LIMS1: variants seen among roughly 807,000 people sequenced by gnomAD.
LIMS1 encodes LIM zinc finger domain containing 1.
Under a neutral mutation model 44.1 loss-of-function variants are expected in LIMS1, and 18 were observed. The observed-to-expected ratio is 0.41, with a 90% confidence interval of 0.28 to 0.61. The LOEUF (loss-of-function observed/expected upper bound fraction) is 0.61. Among genes scored for constraint, LIMS1 ranks in the 20% least tolerant of loss-of-function variants. The pLI is 0.32. For synonymous variants in LIMS1, 93 were observed against 149.1 expected (o/e 0.62, Z 2.74); for missense variants, 201 against 422.0 (o/e 0.48, Z 4.59).
chr2:108,610,902 C>T (rs1336435978), intron 1 of LIMS1, among the ~76,000 whole-genome samples: 1 of 152,082 alleles, frequency 6.6e-6, no homozygotes, highest in Non-Finnish European at 1.5e-5. Flanking sequence ...TTGCAGAGGT[C>T]AGGAGCTCAG....
At chr2:108,575,232 G>A (rs939929061) in intron 1 of LIMS1, among the ~76,000 whole-genome samples, 4 of 152,032 alleles carry the variant, frequency 2.6e-5, no homozygotes, top group African/African-American at 4.8e-5. Flanking sequence ...GAGGATGGAG[G>A]TGGGGTTTTT....
intron 1 of LIMS1, 21 bp downstream of exon 1, chr2:108,534,615 C>A (rs953777032): frequency 1.1e-5 from 12 of 1,120,344 alleles, no homozygotes; most frequent in African/African-American, 8.3e-5. Context: ...CACCGCGCGG[C>A]CCCCGCCACG....
At chr2:108,671,916 A>G (rs1234851664) in intron 3 of LIMS1, among the ~76,000 whole-genome samples, 2 of 152,214 alleles carry the variant, frequency 1.3e-5, no homozygotes, top group Non-Finnish European at 2.9e-5. Context: ...GTGGTGGCTC[A>G]CGCCTATAAT....
intron 9 of LIMS1, among the ~76,000 whole-genome samples, chr2:108,683,257 TC>T (rs1406689152): frequency 6.6e-6 from 1 of 152,164 alleles, no homozygotes; most frequent in East Asian, 1.9e-4. Context: ...TCATGTTGCC[TC>T]CAATAAAGAA....
chr2:108,542,919 A>G (rs768133784), intron 1 of LIMS1, among the ~76,000 whole-genome samples: 3 of 152,136 alleles, frequency 2.0e-5, no homozygotes, highest in Non-Finnish European at 4.4e-5. Flanking sequence ...CAACACACAA[A>G]CTTCATTATT....
intron 2 of LIMS1, among the ~76,000 whole-genome samples, chr2:108,667,552 ATAT>A (rs1386172923): frequency 1.5e-4 from 10 of 64,740 alleles, no homozygotes; most frequent in South Asian, 4.2e-4. Context: ...AAAAAAAAAA[ATAT>A]ATATATATAT....
intron 2 of LIMS1, chr2:108,662,266 C>T (rs1424084711): frequency 6.2e-7 from 1 of 1,612,078 alleles, no homozygotes; most frequent in Non-Finnish European, 8.5e-7. Flanking sequence ...CATTAAGCAG[C>T]ATGACCGCTT....
intron 2 of LIMS1, among the ~76,000 whole-genome samples, chr2:108,662,967 T>C (rs893319332): frequency 6.6e-6 from 1 of 152,248 alleles, no homozygotes; most frequent in Non-Finnish European, 1.5e-5. Context: ...GGTAGAACTT[T>C]CTGGTACTTT....
intron 2 of LIMS1, among the ~76,000 whole-genome samples, chr2:108,664,544 C>A (rs1237841259): frequency 6.6e-6 from 1 of 152,188 alleles, no homozygotes. Context: ...TTGTTTAAAT[C>A]AGTTTGGGGA....
chr2:108,610,644 G>A (rs974687086), intron 1 of LIMS1, among the ~76,000 whole-genome samples: 3 of 151,968 alleles, frequency 2.0e-5, no homozygotes, highest in Non-Finnish European at 4.4e-5. Flanking sequence ...ATAATCAAAT[G>A]TCCTCACTTG....
At chr2:108,648,801 T>C (rs2148938950) in intron 1 of LIMS1, among the ~76,000 whole-genome samples, 1 of 152,254 alleles carries the variant, frequency 6.6e-6, no homozygotes, top group Admixed American at 6.5e-5. Context: ...TGAAACTAGA[T>C]CCCTTCCTTA....
At chr2:108,564,241 T>C (rs1685219549) in intron 1 of LIMS1, among the ~76,000 whole-genome samples, 2 of 152,134 alleles carry the variant, frequency 1.3e-5, no homozygotes, top group Admixed American at 1.3e-4. Flanking sequence ...AGCAATAAAG[T>C]ATTTTAAAAT....
chr2:108,638,842 C>T (rs1055735717), intron 1 of LIMS1, among the ~76,000 whole-genome samples: 5 of 152,052 alleles, frequency 3.3e-5, no homozygotes, highest in South Asian at 2.1e-4. Context: ...AGGAGATCAA[C>T]ACCATCCTGG....
chr2:108,648,899 A>G (rs965607943), intron 1 of LIMS1, among the ~76,000 whole-genome samples: 2 of 152,194 alleles, frequency 1.3e-5, no homozygotes, highest in Non-Finnish European at 2.9e-5. Flanking sequence ...AACCTAGGCA[A>G]TACCATTCAG....
At chr2:108,591,569 C>G (rs535621080) in intron 1 of LIMS1, among the ~76,000 whole-genome samples, 1 of 152,210 alleles carries the variant, frequency 6.6e-6, no homozygotes, top group African/African-American at 2.4e-5. Flanking sequence ...AAGAAATTCT[C>G]CTGCTCCCGC....
At chr2:108,681,722 AC>A in intron 9 of LIMS1, 1 of 324,346 alleles carries the variant, frequency 3.1e-6, no homozygotes, top group Non-Finnish European at 4.4e-6. Flanking sequence ...GGATTTTGAG[AC>A]CAGCCTGGAC....
chr2:108,551,849 A>G (rs1684736037), intron 1 of LIMS1, among the ~76,000 whole-genome samples: 1 of 146,428 alleles, frequency 6.8e-6, no homozygotes, highest in Admixed American at 6.9e-5. Context: ...TACTGTATAT[A>G]TACTATGTAG....
intron 1 of LIMS1, among the ~76,000 whole-genome samples, chr2:108,572,605 C>G (rs191987579): frequency 6.6e-6 from 1 of 152,064 alleles, no homozygotes; most frequent in Admixed American, 6.6e-5. Context: ...AGGTGGGTCT[C>G]GAACTCCTGA....
chr2:108,564,497 T>C (rs531944598), intron 1 of LIMS1, among the ~76,000 whole-genome samples: 1 of 152,150 alleles, frequency 6.6e-6, no homozygotes, highest in Non-Finnish European at 1.5e-5. Flanking sequence ...AGGAATAGGC[T>C]TGCAGGATTT....
Sources: allele counts gnomAD v4.1 joint callset (sites outside exome capture counted in the v4.1 genomes callset), GRCh38; gene constraint gnomAD v4.1.1; transcripts MANE v1.5; gene names NCBI Gene and HGNC (gene_info 2026-07-23, HGNC 2026-07-21).